ANXA4: variants seen among roughly 807,000 people sequenced by gnomAD.
ANXA4 encodes 35-beta calcimedin.
Under a neutral mutation model 49.8 loss-of-function variants are expected in ANXA4, and 39 were observed. The observed-to-expected ratio is 0.78, with a 90% CI of 0.61 to 1.02. The LOEUF is 1.02. ANXA4 is among the 50% of genes least tolerant of loss of function. The pLI, the probability that ANXA4 is intolerant of heterozygous loss-of-function variation, is 0.00. For missense variants in ANXA4, 360 were observed against 410.1 expected (o/e 0.88, Z 1.05); for synonymous variants, 134 against 152.5 (o/e 0.88, Z 0.89).
chr2:69,820,639 A>C, intron 11 of ANXA4, 60 bp from the exon 12 acceptor site: 1 of 1,598,730 alleles, frequency 6.3e-7, no homozygotes, highest in East Asian at 2.2e-5. Context: ...GATAGACTAA[A>C]GAAGACACTG....
At chr2:69,767,937 T>G (rs1671559706) in intron 1 of ANXA4, among the ~76,000 whole-genome samples, 1 of 152,130 alleles carries the variant, frequency 6.6e-6, no homozygotes, top group Admixed American at 6.5e-5. Flanking sequence ...ATATATACAC[T>G]TTGTATATAT....
chr2:69,702,610 A>G (rs1473133098), intron 2 of ANXA4, among the ~76,000 whole-genome samples: 1 of 152,062 alleles, frequency 6.6e-6, no homozygotes, highest in East Asian at 1.9e-4. Flanking sequence ...GCTACTCGGG[A>G]GGCTGAGGAG....
chr2:69,757,260 ATATATATTTTTTTTT>A (rs1382780143), intron 1 of ANXA4, among the ~76,000 whole-genome samples: 1,020 of 51,608 alleles, frequency 0.02, 13 homozygotes, highest in African/African-American at 0.069. Context: ...ATATATATAT[ATATATATTTTTTTTT>A]TTTTTTTTTT....
chr2:69,773,719 C>T (rs1300197930), intron 1 of ANXA4, among the ~76,000 whole-genome samples: 2 of 148,628 alleles, frequency 1.3e-5, no homozygotes. Context: ...GCAACCTCTG[C>T]CTCCTGGGTT....
intron 1 of ANXA4, among the ~76,000 whole-genome samples, chr2:69,769,180 T>C (rs1373942743): frequency 6.6e-6 from 1 of 152,208 alleles, no homozygotes; most frequent in Non-Finnish European, 1.5e-5. Context: ...TATGCACTAT[T>C]CGAAGCTTGA....
intron 2 of ANXA4, among the ~76,000 whole-genome samples, chr2:69,783,453 G>A (rs558142129): frequency 6.6e-6 from 1 of 152,282 alleles, no homozygotes; most frequent in African/African-American, 2.4e-5. Flanking sequence ...CTGACCTCAT[G>A]ATCTGCCCGC....
At chr2:69,744,436 T>A (rs1670531392) in intron 1 of ANXA4, among the ~76,000 whole-genome samples, 1 of 152,238 alleles carries the variant, frequency 6.6e-6, no homozygotes, top group African/African-American at 2.4e-5. Context: ...TGAAGTAGAA[T>A]CCAAAAATTG....
intron 2 of ANXA4, among the ~76,000 whole-genome samples, chr2:69,669,967 T>G (rs1677100810): frequency 6.6e-6 from 1 of 151,880 alleles, no homozygotes; most frequent in South Asian, 2.1e-4. Context: ...CTGGGAAGAG[T>G]TGGGGGGAAA....
intron 2 of ANXA4, among the ~76,000 whole-genome samples, chr2:69,679,055 A>G (rs1029732347): frequency 1.3e-5 from 2 of 151,634 alleles, no homozygotes; most frequent in African/African-American, 4.8e-5. Context: ...AGTTGTTTTT[A>G]TTGTTTTGGT....
intron 2 of ANXA4, among the ~76,000 whole-genome samples, chr2:69,712,960 A>G (rs1678721354): frequency 1.3e-5 from 2 of 152,304 alleles, no homozygotes; most frequent in South Asian, 2.1e-4. Context: ...AAGATCCCCA[A>G]CAGAGCTCAG....
intron 3 of ANXA4, among the ~76,000 whole-genome samples, chr2:69,803,698 A>T (rs1396399013): frequency 6.6e-6 from 1 of 152,226 alleles, no homozygotes; most frequent in Non-Finnish European, 1.5e-5. Flanking sequence ...CAGCCAACTT[A>T]AACTCTGCAA....
chr2:69,806,589 G>T (rs1299346198), intron 5 of ANXA4, 91 bp downstream of exon 5: 2 of 1,032,568 alleles, frequency 1.9e-6, no homozygotes, highest in Non-Finnish European at 3.0e-6. Context: ...GAAAGACATG[G>T]AAGCAACCTA....
intron 2 of ANXA4, among the ~76,000 whole-genome samples, chr2:69,706,393 C>G (rs576257783): frequency 1.4e-5 from 2 of 146,046 alleles, no homozygotes; most frequent in South Asian, 2.2e-4. Context: ...CTCTGCCTCC[C>G]GGGTTCAAGC....
chr2:69,812,435 C>T (rs183952628), intron 7 of ANXA4, among the ~76,000 whole-genome samples: 95 of 152,238 alleles, frequency 6.2e-4, no homozygotes, highest in Admixed American at 1.4e-3. Flanking sequence ...ACTCATGCAA[C>T]GTTAGGGGCC....
chr2:69,656,551 CTT>C (rs34322550), intron 2 of ANXA4, among the ~76,000 whole-genome samples: 13 of 103,986 alleles, frequency 1.3e-4, no homozygotes, highest in East Asian at 3.0e-4. Context: ...ACAGTAGTTC[CTT>C]TTTTTTTTTT....
chr2:69,686,645 C>T (rs1363857554), intron 2 of ANXA4, among the ~76,000 whole-genome samples: 1 of 152,124 alleles, frequency 6.6e-6, no homozygotes, highest in African/African-American at 2.4e-5. Context: ...TTTGTAGAAA[C>T]GGGGTCTCAC....
At chr2:69,684,698 AAAAG>A (rs925797140) in intron 2 of ANXA4, among the ~76,000 whole-genome samples, 13 of 151,150 alleles carry the variant, frequency 8.6e-5, no homozygotes, top group Non-Finnish European at 1.6e-4. Flanking sequence ...AAAAAAAAAA[AAAAG>A]AAAGAAAGAG....
chr2:69,751,771 G>A (rs957837419), intron 1 of ANXA4, among the ~76,000 whole-genome samples: 3 of 152,122 alleles, frequency 2.0e-5, no homozygotes, highest in Non-Finnish European at 4.4e-5. Context: ...TCAAGACTTA[G>A]GGCAGCATCT....
chr2:69,663,998 C>T (rs747972586), intron 2 of ANXA4, among the ~76,000 whole-genome samples: 14 of 152,054 alleles, frequency 9.2e-5, no homozygotes, highest in South Asian at 2.1e-4. Context: ...CACCAGGGCA[C>T]GTTGTGATAT....
Sources: gnomAD v4.1 joint callset for allele counts (sites outside exome capture counted in the v4.1 genomes callset) on GRCh38, gnomAD v4.1.1 for gene constraint, MANE v1.5 for transcripts, NCBI Gene and HGNC (gene_info 2026-07-23, HGNC 2026-07-21) for gene names.